Variants in ELOVL6 observed in about 807,000 individuals in gnomAD.
The protein encoded by ELOVL6 is ELOVL fatty acid elongase 6.
ELOVL6 carries 8 observed loss-of-function variants against 31.7 expected under a neutral mutation model. The observed-to-expected ratio is 0.25, with a 90% confidence interval of 0.15 to 0.45. The LOEUF is 0.45. Among genes scored for constraint, ELOVL6 ranks in the 20% least tolerant of loss-of-function variants. The pLI, the probability that ELOVL6 is intolerant of heterozygous loss-of-function variation, is 1.00. For missense variants in ELOVL6, 126 were observed against 326.4 expected, an observed-to-expected ratio of 0.39 and a Z score of 4.73; for synonymous variants, 101 against 117.7, an observed-to-expected ratio of 0.86 and a Z score of 0.92.
intron 1 of ELOVL6, among the ~76,000 whole-genome samples, chr4:110,134,775 C>T (rs944964753): frequency 2.0e-5 from 3 of 152,072 alleles, no homozygotes; most frequent in Admixed American, 2.0e-4. Context: ...GCCTGGACAA[C>T]ATTGCAAGAC....
rs1054163608 is a variant in ELOVL6, at chr4:110,048,149, A to G, written c.*3189T>C. On this transcript the variant is annotated 3_prime_UTR_variant, in exon 4 of 4. Coordinates refer to ENST00000302274, the MANE Select transcript of ELOVL6 (RefSeq NM_024090.3). ...TTCCCTCTTCTCCCCTTACTTTTGT[A>G]GTGGAGCATAATTAGAAGGATGGGA... 6.6e-6 allele frequency: 1 copy of G among 152,246 alleles called. No homozygotes were observed. The highest frequency in any genetic ancestry group is 1.5e-5 in the Non-Finnish European group (1 of 68,012). 9.4% of individuals were successfully genotyped at this position (152,246 alleles called of 1,614,324 possible). A position where few individuals can be genotyped will look rare whatever the true frequency, so the allele number is the denominator to read the frequency against.
intron 2 of ELOVL6, among the ~76,000 whole-genome samples, chr4:110,090,474 G>A (rs1324060691): frequency 6.6e-6 from 1 of 152,104 alleles, no homozygotes; most frequent in Admixed American, 6.5e-5. Context: ...GTCATTGACT[G>A]ACTTGAGATG....
intron 3 of ELOVL6, among the ~76,000 whole-genome samples, chr4:110,056,974 C>A (rs10001138): frequency 0.38 from 58,247 of 151,988 alleles, 13,294 homozygotes; most frequent in East Asian, 0.68. Context: ...AATATGAATA[C>A]CTCTGGGTGC....
At chr4:110,190,977 A>C (rs10019457) in intron 1 of ELOVL6, among the ~76,000 whole-genome samples, 49,054 of 150,924 alleles carry the variant, frequency 0.33, 8,181 homozygotes, top group Middle Eastern at 0.43. Context: ...TACCACCATG[A>C]CCAGCTAATT....
chr4:110,085,453 A>G (rs762333970), intron 2 of ELOVL6, among the ~76,000 whole-genome samples: 1 of 152,220 alleles, frequency 6.6e-6, no homozygotes, highest in Non-Finnish European at 1.5e-5. Context: ...GCATGAGTAA[A>G]GAGTAAGTGT....
At chr4:110,112,599 G>A (rs1274175106) in intron 1 of ELOVL6, among the ~76,000 whole-genome samples, 2 of 152,304 alleles carry the variant, frequency 1.3e-5, no homozygotes, top group South Asian at 4.1e-4. Flanking sequence ...CGGGCTGAGT[G>A]TGGTGGCTCA....
At position 110,051,789 on chromosome 4, in the gene ELOVL6, G is replaced by A. The variant is rs1232676513; in HGVS notation, c.374-27C>T. ...TGGAAGACAAAGAGGAAGAAGGTAC[G>A]TGAGATCCTTGACCACCAGTAACGA... On this transcript the variant is annotated intron_variant, in intron 3 of 3. Coordinates refer to ENST00000302274, the MANE Select transcript of ELOVL6 (RefSeq NM_024090.3). This position sits in a 1 kb window ranked among gnomAD's most constrained non-coding sequence, Gnocchi z 4.8. 1.1e-5 allele frequency: 18 copies of A among 1,590,492 alleles called. No homozygotes were observed. Among genetic ancestry groups the A allele is most frequent in the South Asian group, 3.4e-5 (3 of 87,954 alleles).
chr4:110,185,342 C>T, intron 1 of ELOVL6, among the ~76,000 whole-genome samples: 1 of 146,388 alleles, frequency 6.8e-6, no homozygotes, highest in Admixed American at 6.8e-5. Flanking sequence ...ACAGTAGGAG[C>T]TTTGCAATGT....
intron 2 of ELOVL6, among the ~76,000 whole-genome samples, chr4:110,073,825 G>A (rs965668426): frequency 1.3e-5 from 2 of 152,116 alleles, no homozygotes; most frequent in South Asian, 2.1e-4. Context: ...AAAGACCACC[G>A]CTGGAAGATA....
At chr4:110,178,857 TA>T (rs1242890303) in intron 1 of ELOVL6, among the ~76,000 whole-genome samples, 1 of 152,054 alleles carries the variant, frequency 6.6e-6, no homozygotes, top group African/African-American at 2.4e-5. Flanking sequence ...TAAAGATGGA[TA>T]AAAAGTTTTG....
rs568876401 is a variant in ELOVL6, at chr4:110,079,550, AAGAC to A, written c.222-19800_222-19797del. Among the ~76,000 whole-genome samples, 622 of 152,314 alleles carry A rather than the reference AAGAC, an allele frequency of 4.1e-3. 2 individuals are homozygous for A. Among genetic ancestry groups the A allele is most frequent in the African/African-American group, 0.014 (572 of 41,560 alleles). Reference sequence around the variant, plus strand: ...ATGTTCTTTGAAACCAACGAGAACAAAGACAGAACATACCAGAATCTCTGGGACA... The same window carrying A: ...ATGTTCTTTGAAACCAACGAGAACAAAGAACATACCAGAATCTCTGGGACA... On this transcript the variant is annotated intron_variant, in intron 2 of 3. Transcript: ENST00000302274.
chr4:110,176,950 G>A (rs1323742366), intron 1 of ELOVL6, among the ~76,000 whole-genome samples: 1 of 152,162 alleles, frequency 6.6e-6, no homozygotes, highest in Non-Finnish European at 1.5e-5. Context: ...GGTCAGACTG[G>A]TCTCGAACTC....
chr4:110,140,045 C>T (rs1757911133), intron 1 of ELOVL6, among the ~76,000 whole-genome samples: 1 of 152,180 alleles, frequency 6.6e-6, no homozygotes, highest in African/African-American at 2.4e-5. Context: ...CCCTGGCTGC[C>T]TTAGCTGGGA....
intron 3 of ELOVL6, among the ~76,000 whole-genome samples, chr4:110,054,383 C>T (rs1754920271): frequency 6.6e-6 from 1 of 152,168 alleles, no homozygotes; most frequent in Non-Finnish European, 1.5e-5. Context: ...TGTATAAGTA[C>T]TACTCTGTTC....
chr4:110,051,875 T>C lies in ELOVL6; in HGVS notation c.374-113A>G. On this transcript the variant is annotated intron_variant, in intron 3 of 3. Coordinates refer to ENST00000302274, the MANE Select transcript of ELOVL6 (RefSeq NM_024090.3). The surrounding 1 kb of genome is among the most constrained non-coding windows in gnomAD (Gnocchi z 4.8). Reference sequence around the variant, plus strand: ...GCTAGGACTGGAGAGTTACATAGACTGGATTAGAACCCTGAACTGGTACTT... The same window carrying C: ...GCTAGGACTGGAGAGTTACATAGACCGGATTAGAACCCTGAACTGGTACTT... The C allele has an allele frequency of 2.3e-6, 2 of 855,914 alleles. No individual in the cohort carries two copies. The highest frequency in any genetic ancestry group is 1.7e-5 in the South Asian group (1 of 58,192). The allele number at this position is 855,914 out of a possible 1,614,324, so 53.0% of individuals were successfully genotyped here. A position where few individuals can be genotyped will look rare whatever the true frequency, so the allele number is the denominator to read the frequency against.
At chr4:110,147,596 C>T (rs1373638062) in intron 1 of ELOVL6, among the ~76,000 whole-genome samples, 7 of 152,132 alleles carry the variant, frequency 4.6e-5, no homozygotes, top group Non-Finnish European at 7.4e-5. Context: ...CCCTCAAATG[C>T]CTGGGTAACA....
Position 110,106,420 on chromosome 4 carries a change from A to G in ELOVL6, c.90-792T>C, listed in dbSNP as rs1361322641. 9.2e-5 allele frequency among the ~76,000 whole-genome samples: 14 copies of G among 152,168 alleles called. No homozygotes were observed. In the East Asian group the frequency reaches 2.7e-3, roughly 29 times the overall value. Reference sequence around the variant, plus strand: ...GGGTTTTTTAATTACATGCTAAACGAGGGGTAGATTATTCATGAGTGCTCC... The same window carrying G: ...GGGTTTTTTAATTACATGCTAAACGGGGGGTAGATTATTCATGAGTGCTCC... On this transcript the variant is annotated intron_variant, in intron 1 of 3. Coordinates refer to ENST00000302274, the MANE Select transcript of ELOVL6 (RefSeq NM_024090.3).
chr4:110,098,188 G>T lies in ELOVL6; in HGVS notation c.221+7309C>A, dbSNP rs189410507. Among the ~76,000 whole-genome samples, 5 of 151,110 alleles carry T rather than the reference G, an allele frequency of 3.3e-5. No individual in the cohort carries two copies. The East Asian group carries it at 8.0e-4, about 24-fold the overall frequency. ...AGCAAAATATACACACTTAACTGAG[G>T]GATACCGTCAAAAAAAAGGGGGAAA... On this transcript the variant is annotated intron_variant, in intron 2 of 3. Coordinates refer to ENST00000302274, the MANE Select transcript of ELOVL6 (RefSeq NM_024090.3).
intron 1 of ELOVL6, among the ~76,000 whole-genome samples, chr4:110,149,893 T>C (rs573556651): frequency 4.5e-4 from 69 of 152,306 alleles, no homozygotes; most frequent in East Asian, 1.9e-4. Context: ...AAAGACTGTA[T>C]CCTATAGATT....
Sources: allele counts gnomAD v4.1 joint callset (sites outside exome capture counted in the v4.1 genomes callset), GRCh38; gene constraint gnomAD v4.1.1; non-coding constraint Gnocchi (gnomAD v3.1); transcripts MANE v1.5; gene names NCBI Gene and HGNC (gene_info 2026-07-23, HGNC 2026-07-21).